QTMAN: variants seen among roughly 807,000 people sequenced by gnomAD.
QTMAN encodes the protein queuosine-tRNA mannosyltransferase.
the QTMAN span, among the ~76,000 whole-genome samples, chr2:144,268,202 T>G: frequency 2.0e-5 from 3 of 152,274 alleles, no homozygotes; most frequent in Non-Finnish European, 2.9e-5. Flanking sequence ...GTTTCCTCCC[T>G]TCTCTCTTCC....
At chr2:144,288,385 G>A in the QTMAN span, among the ~76,000 whole-genome samples, 1 of 152,092 alleles carries the variant, frequency 6.6e-6, no homozygotes, top group Non-Finnish European at 1.5e-5. Flanking sequence ...TACTTTTTAC[G>A]ATTAAATGTT....
the QTMAN span, among the ~76,000 whole-genome samples, chr2:144,187,789 AC>A: frequency 6.6e-6 from 1 of 152,200 alleles, no homozygotes; most frequent in African/African-American, 2.4e-5. Flanking sequence ...CCAAAAAGAT[AC>A]ATGCAAGTCC....
the QTMAN span, chr2:144,208,574 G>T: frequency 6.3e-7 from 1 of 1,590,596 alleles, no homozygotes. Context: ...TTTAAAAAAC[G>T]CTGAAAATGC....
chr2:144,317,364 GGGAAGGAAGGAAGGAAGGATGGAA>G, the QTMAN span: 2 of 88,174 alleles, frequency 2.3e-5, no homozygotes, highest in South Asian at 3.8e-4. Flanking sequence ...GATCTTCAAG[GGGAAGGAAGGAAGGAAGGATGGAA>G]GGAAGGAAGG....
the QTMAN span, among the ~76,000 whole-genome samples, chr2:144,071,814 T>C: frequency 6.6e-6 from 1 of 152,212 alleles, no homozygotes; most frequent in African/African-American, 2.4e-5. Context: ...CAATATTCTC[T>C]GGGCATACTT....
the QTMAN span, among the ~76,000 whole-genome samples, chr2:144,129,468 G>A: frequency 6.6e-6 from 1 of 152,066 alleles, no homozygotes; most frequent in Admixed American, 6.6e-5. Flanking sequence ...GTAAATTTTA[G>A]TGTGTGACCA....
At chr2:144,300,008 T>C in the QTMAN span, among the ~76,000 whole-genome samples, 5 of 152,248 alleles carry the variant, frequency 3.3e-5, no homozygotes, top group Non-Finnish European at 7.3e-5. Flanking sequence ...TAAAATAAAC[T>C]AGTCAATCAA....
the QTMAN span, among the ~76,000 whole-genome samples, chr2:144,068,592 T>A: frequency 1.3e-5 from 2 of 152,190 alleles, no homozygotes; most frequent in Non-Finnish European, 2.9e-5. Flanking sequence ...AGGTGGTGAT[T>A]AAGTTAAGGA....
chr2:144,112,114 C>T, the QTMAN span, among the ~76,000 whole-genome samples: 1 of 152,152 alleles, frequency 6.6e-6, no homozygotes, highest in South Asian at 2.1e-4. Context: ...AAGAATAATC[C>T]CTAGGATTCT....
the QTMAN span, among the ~76,000 whole-genome samples, chr2:144,039,730 G>A: frequency 6.6e-6 from 1 of 152,080 alleles, no homozygotes; most frequent in Non-Finnish European, 1.5e-5. Flanking sequence ...TTTAAGTAGA[G>A]GTTTACAGGG....
At chr2:144,222,651 A>G in the QTMAN span, among the ~76,000 whole-genome samples, 1 of 151,404 alleles carries the variant, frequency 6.6e-6, no homozygotes, top group Non-Finnish European at 1.5e-5. Context: ...CTAAAAATAC[A>G]AAAAAAATTA....
At chr2:144,155,789 G>A in the QTMAN span, among the ~76,000 whole-genome samples, 1 of 152,008 alleles carries the variant, frequency 6.6e-6, no homozygotes, top group Admixed American at 6.6e-5. Flanking sequence ...AGTGGCTTTT[G>A]GACAGTATCA....
At chr2:144,311,697 C>CA in the QTMAN span, among the ~76,000 whole-genome samples, 1 of 152,178 alleles carries the variant, frequency 6.6e-6, no homozygotes, top group Non-Finnish European at 1.5e-5. Flanking sequence ...AGATCCAGCC[C>CA]AAAGTTGGCC....
At chr2:144,017,972 G>T in the QTMAN span, among the ~76,000 whole-genome samples, 2 of 152,162 alleles carry the variant, frequency 1.3e-5, no homozygotes, top group African/African-American at 2.4e-5. Flanking sequence ...ACTAATCAAA[G>T]AATTGTATTC....
At chr2:144,088,633 A>G in the QTMAN span, among the ~76,000 whole-genome samples, 1 of 152,126 alleles carries the variant, frequency 6.6e-6, no homozygotes, top group South Asian at 2.1e-4. Context: ...ATATAGATCA[A>G]TGGAATAGAA....
At chr2:144,047,153 C>A in the QTMAN span, among the ~76,000 whole-genome samples, 2 of 152,062 alleles carry the variant, frequency 1.3e-5, no homozygotes, top group African/African-American at 4.8e-5. Context: ...TGCCTGTAAT[C>A]CCAGCTACTC....
At chr2:144,195,578 G>C in the QTMAN span, among the ~76,000 whole-genome samples, 2 of 152,036 alleles carry the variant, frequency 1.3e-5, no homozygotes, top group East Asian at 3.9e-4. Context: ...AAAGCCTGAA[G>C]GTTTCTCAGG....
chr2:144,209,908 CAAT>C, the QTMAN span, among the ~76,000 whole-genome samples: 4 of 152,160 alleles, frequency 2.6e-5, no homozygotes, highest in Non-Finnish European at 4.4e-5. Flanking sequence ...CTCAATGACT[CAAT>C]GATGTTCTTC....
At chr2:144,277,741 T>C in the QTMAN span, among the ~76,000 whole-genome samples, 1 of 152,152 alleles carries the variant, frequency 6.6e-6, no homozygotes, top group Non-Finnish European at 1.5e-5. Context: ...CTATCATCTA[T>C]TTTAAGATAA....
Sources: allele counts gnomAD v4.1 joint callset (sites outside exome capture counted in the v4.1 genomes callset), GRCh38; gene constraint gnomAD v4.1.1; transcripts MANE v1.5; gene names NCBI Gene and HGNC (gene_info 2026-07-23, HGNC 2026-07-21).